Variants in ROR1 observed in about 807,000 individuals in gnomAD.
ROR1 encodes inactive tyrosine-protein kinase transmembrane receptor ROR1.
Under a neutral mutation model 78.8 loss-of-function variants are expected in ROR1, and 19 were observed. The observed-to-expected ratio is 0.24, with a 90% CI of 0.17 to 0.35. The LOEUF (loss-of-function observed/expected upper bound fraction) is 0.35, where lower values mean the gene tolerates loss of function less well. Among genes scored for constraint, ROR1 ranks in the 10% least tolerant of loss-of-function variants. The pLI is 1.00. For synonymous variants in ROR1, 386 were observed against 433.6 expected (o/e 0.89, Z 1.36); for missense variants, 917 against 1,177.8 (o/e 0.78, Z 3.24).
intron 4 of ROR1, among the ~76,000 whole-genome samples, chr1:64,082,347 T>C (rs1408425085): frequency 2.0e-5 from 3 of 152,326 alleles, no homozygotes; most frequent in Non-Finnish European, 4.4e-5. Flanking sequence ...GTAAATTACA[T>C]GTACAAGATG....
intron 1 of ROR1, among the ~76,000 whole-genome samples, chr1:63,955,787 G>A (rs180934508): frequency 7.2e-5 from 11 of 152,172 alleles, no homozygotes; most frequent in Admixed American, 3.3e-4. Context: ...CCCCACCACC[G>A]TAGCAGTTTC....
chr1:63,995,078 G>A (rs892501736), intron 1 of ROR1, among the ~76,000 whole-genome samples: 4 of 152,282 alleles, frequency 2.6e-5, no homozygotes, highest in South Asian at 4.1e-4. Context: ...AGCTGCAGGT[G>A]GAATGCCATT....
intron 1 of ROR1, among the ~76,000 whole-genome samples, chr1:63,850,497 G>A (rs774504188): frequency 1.3e-5 from 2 of 152,178 alleles, no homozygotes; most frequent in South Asian, 2.1e-4. Context: ...ATAAGTTCCC[G>A]TTGCTCTTTA....
chr1:63,922,376 TTAG>T (rs2100431139), intron 1 of ROR1, among the ~76,000 whole-genome samples: 1 of 152,308 alleles, frequency 6.6e-6, no homozygotes, highest in South Asian at 2.1e-4. Flanking sequence ...TCTTTTCAAT[TTAG>T]TAGGTCAAAA....
chr1:63,947,061 G>C (rs1255175914), intron 1 of ROR1, among the ~76,000 whole-genome samples: 1 of 152,142 alleles, frequency 6.6e-6, no homozygotes, highest in Non-Finnish European at 1.5e-5. Flanking sequence ...TACTTCTCCT[G>C]ACCCGTGTTC....
intron 4 of ROR1, among the ~76,000 whole-genome samples, chr1:64,118,236 G>C (rs1436374555): frequency 2.0e-5 from 3 of 152,128 alleles, no homozygotes; most frequent in Non-Finnish European, 4.4e-5. Flanking sequence ...ATTCAAGCAA[G>C]ATCCCATTCA....
intron 1 of ROR1, among the ~76,000 whole-genome samples, chr1:63,812,085 C>T (rs1374970143): frequency 6.6e-6 from 1 of 151,562 alleles, no homozygotes; most frequent in Non-Finnish European, 1.5e-5. Flanking sequence ...CTCAGCCTCT[C>T]CAGTAGTTGG....
intron 1 of ROR1, among the ~76,000 whole-genome samples, chr1:63,972,153 T>C (rs555010484): frequency 6.6e-6 from 1 of 152,338 alleles, no homozygotes; most frequent in Admixed American, 6.5e-5. Flanking sequence ...GTTTTCCCTT[T>C]CTATATTTGT....
At chr1:64,092,518 C>T (rs555270238) in intron 4 of ROR1, among the ~76,000 whole-genome samples, 220 of 152,234 alleles carry the variant, frequency 1.4e-3, no homozygotes, top group Non-Finnish European at 2.9e-3. Context: ...GAGAGTCTGT[C>T]CTACAAGGGA....
At chr1:64,128,166 A>T (rs1401124464) in intron 4 of ROR1, among the ~76,000 whole-genome samples, 1 of 151,696 alleles carries the variant, frequency 6.6e-6, no homozygotes, top group South Asian at 2.1e-4. Context: ...AACTAAATGC[A>T]TGGGGAGGCC....
At chr1:63,845,652 G>A (rs926344593) in intron 1 of ROR1, among the ~76,000 whole-genome samples, 53 of 152,038 alleles carry the variant, frequency 3.5e-4, no homozygotes, top group Non-Finnish European at 5.0e-4. Flanking sequence ...GTTTGCCACT[G>A]CCTGCCTTTT....
intron 1 of ROR1, among the ~76,000 whole-genome samples, chr1:63,787,318 C>G (rs1309078176): frequency 1.3e-5 from 2 of 152,170 alleles, no homozygotes; most frequent in East Asian, 3.8e-4. Context: ...AGCCCAACAC[C>G]TTTGCAATAA....
intron 1 of ROR1, among the ~76,000 whole-genome samples, chr1:63,796,618 A>G (rs1274063787): frequency 6.6e-6 from 1 of 152,230 alleles, no homozygotes; most frequent in East Asian, 1.9e-4. Flanking sequence ...TTACCCTTTA[A>G]AAGTTTGTAC....
intron 2 of ROR1, among the ~76,000 whole-genome samples, chr1:64,022,659 G>A (rs995656272): frequency 5.3e-5 from 8 of 152,132 alleles, no homozygotes; most frequent in African/African-American, 1.9e-4. Context: ...TCACACAAGG[G>A]TAAAAATGTC....
rs369713266 is a variant in ROR1 at position 64,137,445 on chromosome 1, G to A, written c.559G>A (p.Val187Ile). ...TGCAAGATTTATTGGCAACCGCACC[G>A]TCTATATGGAGTCTTTGCACATGCA... ...ACARFIGNRT[V>I]YMESLHMQGE... Residue 187 changes from valine (V) to isoleucine (I), a missense_variant, in exon 5 of 9, where the codon GTC becomes ATC. By Grantham distance (29) the Val-to-Ile change is conservative. This residue lies in a region of ROR1 where 835 missense variants were observed against 1,069.8 expected (regional missense o/e 0.78). Transcript: ENST00000371079. 3.7e-5 allele frequency: 60 copies of A among 1,613,836 alleles called. No homozygotes were observed. Among genetic ancestry groups the A allele is most frequent in the African/African-American group, 2.1e-4 (16 of 74,930 alleles).
chr1:63,799,396 G>T (rs577643401), intron 1 of ROR1, among the ~76,000 whole-genome samples: 1 of 152,194 alleles, frequency 6.6e-6, no homozygotes, highest in African/African-American at 2.4e-5. Flanking sequence ...TGCTAGCTGT[G>T]TCTTGTTCCC....
chr1:63,837,198 A>G (rs191406145), intron 1 of ROR1, among the ~76,000 whole-genome samples: 24 of 152,274 alleles, frequency 1.6e-4, no homozygotes, highest in Admixed American at 5.9e-4. Flanking sequence ...TTTTATTACT[A>G]CGTATGAATT....
intron 1 of ROR1, among the ~76,000 whole-genome samples, chr1:63,808,986 A>G (rs1454046594): frequency 6.6e-6 from 1 of 152,116 alleles, no homozygotes; most frequent in African/African-American, 2.4e-5. Flanking sequence ...TTGGGGCTAG[A>G]TGTAGTCATC....
chr1:64,164,649 A>G (rs1264775734), intron 8 of ROR1, among the ~76,000 whole-genome samples: 1 of 152,086 alleles, frequency 6.6e-6, no homozygotes, highest in South Asian at 2.1e-4. Context: ...TTTGTTATGT[A>G]GGTAAACTTG....
Sources: allele counts gnomAD v4.1 joint callset (sites outside exome capture counted in the v4.1 genomes callset), GRCh38; gene constraint gnomAD v4.1.1; regional missense constraint gnomAD v4.1.1; transcripts MANE v1.5; gene names NCBI Gene and HGNC (gene_info 2026-07-23, HGNC 2026-07-21).